ADCY7: variants seen among roughly 807,000 people sequenced by gnomAD.
ADCY7 encodes adenylate cyclase type 7.
ADCY7 carries 72 observed loss-of-function variants against 120.6 expected under a neutral mutation model. That is an observed-to-expected ratio of 0.60 (90% confidence interval 0.49 to 0.73). The LOEUF (loss-of-function observed/expected upper bound fraction) is 0.73. Among genes scored for constraint, ADCY7 ranks in the 30% least tolerant of loss-of-function variants. The pLI is 0.00. For synonymous variants in ADCY7, 661 were observed against 628.0 expected, an observed-to-expected ratio of 1.05 and a Z score of -0.78; for missense variants, 1,227 against 1,486.0, an observed-to-expected ratio of 0.83 and a Z score of 2.87.
At chr16:50,293,087 C>CTTAGG (rs1422784063) in intron 5 of ADCY7, among the ~76,000 whole-genome samples, 12 of 152,316 alleles carry the variant, frequency 7.9e-5, no homozygotes, top group Middle Eastern at 3.4e-3. Flanking sequence ...GGCTGCTCAC[C>CTTAGG]CATCAGCTTA....
At chr16:50,307,390 T>C (rs1357730581) in intron 15 of ADCY7, among the ~76,000 whole-genome samples, 1 of 152,212 alleles carries the variant, frequency 6.6e-6, no homozygotes, top group Admixed American at 6.5e-5. Context: ...ACCTGTCATA[T>C]GTGTGGCCTG....
upstream of ADCY7, among the ~76,000 whole-genome samples, chr16:50,262,479 C>T (rs879340285): frequency 3.9e-5 from 6 of 151,992 alleles, no homozygotes; most frequent in Non-Finnish European, 7.4e-5. Flanking sequence ...GGCGCCTGCC[C>T]TCAAGCCCGG....
chr16:50,288,943 A>G (rs2034759313), intron 2 of ADCY7, among the ~76,000 whole-genome samples: 1 of 151,844 alleles, frequency 6.6e-6, no homozygotes, highest in Non-Finnish European at 1.5e-5. Flanking sequence ...GAGTACAAGC[A>G]TGCACGACCA....
At chr16:50,306,667 A>G (rs2036086995) in intron 14 of ADCY7, among the ~76,000 whole-genome samples, 1 of 152,160 alleles carries the variant, frequency 6.6e-6, no homozygotes, top group African/African-American at 2.4e-5. Context: ...CTGTCCATGT[A>G]CTTGGGGCCA....
At chr16:50,303,971 G>A (rs940622399) in intron 10 of ADCY7, among the ~76,000 whole-genome samples, 7 of 152,098 alleles carry the variant, frequency 4.6e-5, no homozygotes, top group Admixed American at 4.6e-4. Context: ...AGGCCCCAGG[G>A]ACTCTCTGGT....
At position 50,312,033 on chromosome 16, in the gene ADCY7, C is replaced by T. The variant is rs1246211802; in HGVS notation, c.2449-3C>T. ...GGGGCGCTTATGTTGCTGCCGTTTG[C>T]AGATTGACTATTACTGCCGCTTGGA... is the stretch of plus-strand genomic sequence containing the variant. On this transcript the variant is annotated splice_polypyrimidine_tract_variant and splice_region_variant and intron_variant, in intron 20 of 25. Transcript: ENST00000673801. 1.2e-6 allele frequency: 2 copies of T among 1,614,100 alleles called. No homozygotes were observed. The highest frequency in any genetic ancestry group is 2.2e-5 in the South Asian group (2 of 91,082).
Position 50,308,735 on chromosome 16 carries a change from G to A in ADCY7, c.2004G>A (p.Arg668=). 6.2e-7 allele frequency: 1 copy of A among 1,613,472 alleles called. No individual in the cohort carries two copies. The highest frequency in any genetic ancestry group is 8.5e-7 in the Non-Finnish European group (1 of 1,179,980). The change falls in exon 17 of 26, where the codon AGG becomes AGA. Residue 668 remains arginine, a synonymous_variant. Coordinates refer to ENST00000673801, the MANE Select transcript of ADCY7 (RefSeq NM_001114.5). ...SERVETQPLL[R]LTLAVLTIGS... is the part of the protein sequence containing the mutation. The stretch of plus-strand genomic sequence containing the variant: ...GGGTGGAGACACAGCCCCTGCTGAG[G>A]CTGACCCTGGCCGTCCTGACCATCG...
In ADCY7 at chr16:50,305,855, G is replaced by A; in HGVS notation, c.1752+6G>A. 2 of 1,613,596 alleles carry A rather than the reference G, an allele frequency of 1.2e-6. No homozygotes were observed. The highest frequency in any genetic ancestry group is 1.6e-4 in the Middle Eastern group (1 of 6,062). On this transcript the variant is annotated splice_donor_region_variant and intron_variant, in intron 14 of 25. Coordinates refer to ENST00000673801, the MANE Select transcript of ADCY7 (RefSeq NM_001114.5). ...AGAAGGGCTTTGAGCGCGAGGTGAGGGCCCCCAGCAGCCTCCTCCGCAGAG... is the reference window on the plus strand; with the variant it reads ...AGAAGGGCTTTGAGCGCGAGGTGAGAGCCCCCAGCAGCCTCCTCCGCAGAG...
intron 24 of ADCY7, chr16:50,314,638 T>C (rs1288854972): frequency 1.9e-5 from 10 of 524,892 alleles, no homozygotes; most frequent in Non-Finnish European, 3.4e-5. Flanking sequence ...ACCAAAATTA[T>C]TGTCTGTAAA....
chr16:50,259,839 G>A (rs1476993162), intron 1 of ADCY7, among the ~76,000 whole-genome samples: 1 of 152,182 alleles, frequency 6.6e-6, no homozygotes, highest in East Asian at 1.9e-4. Context: ...TAGTGGACCC[G>A]GGCATTTTCT....
chr16:50,304,886 C>T lies in ADCY7; in HGVS notation c.1561-39C>T, dbSNP rs1310118709. Reference sequence around the variant, plus strand: ...GCAGTGGCCTTCAGGGCCCAGTGTTCTGGGGAATGACTGTATCCTTTCCTC... The same window carrying T: ...GCAGTGGCCTTCAGGGCCCAGTGTTTTGGGGAATGACTGTATCCTTTCCTC... On this transcript the variant is annotated intron_variant, in intron 11 of 25. Transcript: ENST00000673801. 7 of 1,613,588 alleles carry T rather than the reference C, an allele frequency of 4.3e-6. No individual in the cohort carries two copies. In the African/African-American group the frequency reaches 5.3e-5, roughly 12 times the overall value.
At chr16:50,257,181 A>G (rs1437953906) in intron 1 of ADCY7, among the ~76,000 whole-genome samples, 3 of 152,126 alleles carry the variant, frequency 2.0e-5, no homozygotes, top group Non-Finnish European at 4.4e-5. Context: ...GGAGTTCAAA[A>G]CGCATGGGCA....
intron 1 of ADCY7, among the ~76,000 whole-genome samples, chr16:50,280,302 A>C (rs1175991232): frequency 7.1e-6 from 1 of 141,586 alleles, no homozygotes; most frequent in Non-Finnish European, 1.5e-5. Flanking sequence ...GTCATTTCTA[A>C]TTGTGTTTAT....
intron 4 of ADCY7, 165 bp from the exon 5 acceptor site, chr16:50,292,511 G>C (rs1185294657): frequency 3.7e-6 from 3 of 812,942 alleles, no homozygotes; most frequent in Non-Finnish European, 5.7e-6. Flanking sequence ...ACTAGCTCCT[G>C]TCTGGGCCTC....
At chr16:50,280,042 G>C (rs2034153355) in intron 1 of ADCY7, among the ~76,000 whole-genome samples, 1 of 152,058 alleles carries the variant, frequency 6.6e-6, no homozygotes, top group Non-Finnish European at 1.5e-5. Context: ...TCGTATATCT[G>C]GTAGAATTCA....
rs374814047 is a variant in ADCY7 at position 50,301,149 on chromosome 16, G to A, written c.1303G>A (p.Gly435Arg). ...DKAYEVEDGH[G>R]QQRDPYLKEM... is the part of the protein sequence containing the mutation. ...GGCGTACGAGGTGGAGGATGGGCAC[G>A]GGCAGCAGCGGGACCCCTACCTCAA... The change falls in exon 10 of 26, where the codon GGG becomes AGG. Residue 435 changes from glycine to arginine, a missense_variant. Physicochemically the swap from Gly to Arg is moderately radical, Grantham distance 125 (BLOSUM62 -2). Coordinates refer to ENST00000673801, the MANE Select transcript of ADCY7 (RefSeq NM_001114.5). 6 of 1,613,410 alleles carry A rather than the reference G, an allele frequency of 3.7e-6. No homozygotes were observed. Among genetic ancestry groups the A allele is most frequent in the Non-Finnish European group, 5.1e-6 (6 of 1,179,738 alleles).
chr16:50,281,605 C>T (rs528358787), intron 1 of ADCY7, among the ~76,000 whole-genome samples: 2 of 152,324 alleles, frequency 1.3e-5, no homozygotes, highest in Admixed American at 1.3e-4. Context: ...ACACACAGAT[C>T]CCACCACGAC....
rs186124026 is a variant in ADCY7, at chr16:50,304,943, C to A, written c.1579C>A (p.Arg527Ser). 112 of 1,613,400 alleles carry A rather than the reference C, an allele frequency of 6.9e-5. 1 individual carries two copies. In the Admixed American group the frequency reaches 1.7e-3, roughly 25 times the overall value. The part of the protein sequence containing the change: ...RRPKSVPQRH[R>S]RTPDRSMSPK... ...CTTTCAGAGCGTTCCCCAGCGCCAC[C>A]GCCGGACCCCAGACAGGTGCGTGCC... Residue 527 changes from arginine (R) to serine (S), a missense_variant, in exon 12 of 26, where the codon CGC becomes AGC. By Grantham distance (110) the Arg-to-Ser change is moderately radical. Coordinates refer to ENST00000673801, the MANE Select transcript of ADCY7 (RefSeq NM_001114.5).
At chr16:50,261,495 GA>G (rs1204882982) in intron 1 of ADCY7, among the ~76,000 whole-genome samples, 1 of 152,194 alleles carries the variant, frequency 6.6e-6, no homozygotes, top group African/African-American at 2.4e-5. Flanking sequence ...GCAAGCCATG[GA>G]AGTTGTTTGA....
Sources: gnomAD v4.1 joint callset for allele counts (sites outside exome capture counted in the v4.1 genomes callset) on GRCh38, gnomAD v4.1.1 for gene constraint, MANE v1.5 for transcripts, NCBI Gene and HGNC (gene_info 2026-07-23, HGNC 2026-07-21) for gene names.